FARP1: variants seen among roughly 807,000 people sequenced by gnomAD.
The protein encoded by FARP1 is FERM, ARHGEF and pleckstrin domain-containing protein 1.
FARP1 carries 52 observed loss-of-function variants against 128.8 expected under a neutral mutation model. The ratio of observed to expected loss-of-function variants is 0.40; its 90% CI spans 0.32 to 0.51. FARP1 has a LOEUF of 0.51. Ranked by LOEUF, FARP1 falls within the 20% of genes least tolerant of loss-of-function variation. The pLI is 0.45. For synonymous variants in FARP1, 580 were observed against 551.8 expected (o/e 1.05, Z -0.72); for missense variants, 1,333 against 1,367.9 (o/e 0.97, Z 0.40).
At chr13:98,448,027 C>A in intron 26 of FARP1, 2 of 594,752 alleles carry the variant, frequency 3.4e-6, no homozygotes, top group South Asian at 2.0e-5. Flanking sequence ...GTACTTCCAG[C>A]TCCACACTGA....
intron 24 of FARP1, 44 bp from the exon 25 acceptor site, chr13:98,446,054 G>A (rs1250326778): frequency 1.5e-6 from 2 of 1,344,940 alleles, no homozygotes; most frequent in East Asian, 4.6e-5. Context: ...GCCCTCCTGG[G>A]GCAGGTGCCC....
intron 2 of FARP1, among the ~76,000 whole-genome samples, chr13:98,294,869 T>C (rs1885591672): frequency 6.6e-6 from 1 of 151,706 alleles, no homozygotes; most frequent in South Asian, 2.1e-4. Flanking sequence ...ATACAAAAAT[T>C]AGCTGGGCGT....
intron 18 of FARP1, 114 bp downstream of exon 18, chr13:98,431,394 G>T: frequency 1.5e-6 from 1 of 646,718 alleles, no homozygotes. Context: ...AGCTGATGCT[G>T]GGTCCCAGGT....
intron 2 of FARP1, among the ~76,000 whole-genome samples, chr13:98,246,174 AG>A (rs1275611087): frequency 1.6e-4 from 19 of 121,810 alleles, no homozygotes; most frequent in Non-Finnish European, 2.7e-4. Context: ...GGCTCACTGC[AG>A]GCTCCGCCCC....
At chr13:98,364,937 A>G (rs1889020769) in intron 3 of FARP1, among the ~76,000 whole-genome samples, 2 of 152,214 alleles carry the variant, frequency 1.3e-5, no homozygotes, top group South Asian at 2.1e-4. Flanking sequence ...TAGGTAGTGC[A>G]TGGTGCAGAG....
intron 11 of FARP1, among the ~76,000 whole-genome samples, chr13:98,392,791 C>T (rs1890364408): frequency 6.6e-6 from 1 of 151,394 alleles, no homozygotes. Context: ...TTTCTCATGC[C>T]CTGTCTCTAT....
chr13:98,428,504 T>G (rs1891874180), intron 17 of FARP1, among the ~76,000 whole-genome samples: 1 of 152,114 alleles, frequency 6.6e-6, no homozygotes, highest in African/African-American at 2.4e-5. Flanking sequence ...ACCCACTACT[T>G]ATATGATGGC....
At chr13:98,257,428 C>T (rs1883664950) in intron 2 of FARP1, among the ~76,000 whole-genome samples, 1 of 151,434 alleles carries the variant, frequency 6.6e-6, no homozygotes, top group Non-Finnish European at 1.5e-5. Flanking sequence ...TTCTGTACGC[C>T]CTTCTTTCTG....
intron 2 of FARP1, among the ~76,000 whole-genome samples, chr13:98,266,373 C>T (rs1884116377): frequency 6.6e-6 from 1 of 152,144 alleles, no homozygotes; most frequent in Non-Finnish European, 1.5e-5. Context: ...GGCAGGTTTG[C>T]TCTCTGGGCC....
intron 3 of FARP1, among the ~76,000 whole-genome samples, chr13:98,346,007 G>A (rs1369990041): frequency 2.0e-5 from 3 of 151,964 alleles, no homozygotes; most frequent in Non-Finnish European, 2.9e-5. Context: ...TTTCTGATGA[G>A]GAAGTTAAGC....
intron 2 of FARP1, among the ~76,000 whole-genome samples, chr13:98,254,083 A>G (rs1466231860): frequency 1.3e-5 from 2 of 152,220 alleles, no homozygotes; most frequent in African/African-American, 4.8e-5. Flanking sequence ...TTTGCCCATC[A>G]TTATGGGACC....
intron 1 of FARP1, among the ~76,000 whole-genome samples, chr13:98,202,043 GTTT>G (rs774180485): frequency 1.3e-5 from 2 of 152,368 alleles, no homozygotes; most frequent in East Asian, 3.9e-4. Context: ...ACAGATAGCT[GTTT>G]TTGAACTTTC....
intron 2 of FARP1, among the ~76,000 whole-genome samples, chr13:98,312,691 A>G (rs1886531664): frequency 2.0e-5 from 3 of 152,164 alleles, no homozygotes; most frequent in African/African-American, 4.8e-5. Flanking sequence ...AGATGGGGAC[A>G]TTATTTATAA....
intron 16 of FARP1, among the ~76,000 whole-genome samples, chr13:98,420,221 C>T (rs1323181134): frequency 2.0e-5 from 3 of 152,148 alleles, no homozygotes. Flanking sequence ...TTGATTTATC[C>T]TGGCTGGCTT....
At chr13:98,275,017 T>TAA (rs1443106710) in intron 2 of FARP1, among the ~76,000 whole-genome samples, 3 of 152,222 alleles carry the variant, frequency 2.0e-5, no homozygotes, top group Non-Finnish European at 2.9e-5. Flanking sequence ...CAATACTGTA[T>TAA]TCATCTTGCC....
intron 1 of FARP1, among the ~76,000 whole-genome samples, chr13:98,160,595 T>C (rs1210384513): frequency 3.3e-5 from 5 of 152,202 alleles, no homozygotes; most frequent in Non-Finnish European, 7.3e-5. Context: ...ACACCTGTTG[T>C]TAACGACTAC....
chr13:98,223,936 C>T (rs1028151455), intron 2 of FARP1, among the ~76,000 whole-genome samples: 1 of 152,182 alleles, frequency 6.6e-6, no homozygotes, highest in African/African-American at 2.4e-5. Flanking sequence ...CTTTCTTCAG[C>T]TCATTGTTTA....
intron 5 of FARP1, among the ~76,000 whole-genome samples, chr13:98,376,554 T>G (rs1889592881): frequency 6.6e-6 from 1 of 152,216 alleles, no homozygotes; most frequent in Admixed American, 6.5e-5. Flanking sequence ...AAATCTTGGC[T>G]GTTGTGAATG....
chr13:98,444,611 C>T lies in FARP1; in HGVS notation c.2797-1487C>T, dbSNP rs577377096. On this transcript the variant is annotated intron_variant, in intron 24 of 26. Coordinates refer to ENST00000319562, the MANE Select transcript of FARP1 (RefSeq NM_005766.4). Reference sequence around the variant, plus strand: ...AGGGGAGCGGGAGGCTCGGCCCGGCCGTGGGGAGCGAGGAAGGGCCGCTGG... The same window carrying T: ...AGGGGAGCGGGAGGCTCGGCCCGGCTGTGGGGAGCGAGGAAGGGCCGCTGG... 3.8e-4 allele frequency among the ~76,000 whole-genome samples: 58 copies of T among 152,238 alleles called. 1 individual carries two copies. The highest frequency in any genetic ancestry group is 3.3e-3 in the Admixed American group (50 of 15,306).
Sources: allele counts gnomAD v4.1 joint callset (sites outside exome capture counted in the v4.1 genomes callset), GRCh38; gene constraint gnomAD v4.1.1; transcripts MANE v1.5; gene names NCBI Gene and HGNC (gene_info 2026-07-23, HGNC 2026-07-21).